Variants in OMA1 observed in about 807,000 individuals in gnomAD.
OMA1 encodes OMA1 zinc metallopeptidase.
OMA1 carries 38 observed loss-of-function variants against 30.9 expected under a neutral mutation model. That is an observed-to-expected ratio of 1.23 (90% CI 0.95 to 1.61). The LOEUF (loss-of-function observed/expected upper bound fraction) is 1.61. Ranked by LOEUF, OMA1 falls within the 40% of genes most tolerant of loss-of-function variation. The probability of loss-of-function intolerance (pLI) is 0.00; values close to 1 mark genes in which losing one functional copy is unlikely to be tolerated. For missense variants in OMA1, 461 were observed against 349.2 expected, an observed-to-expected ratio of 1.32 and a Z score of -2.55; for synonymous variants, 173 against 121.9, an observed-to-expected ratio of 1.42 and a Z score of -2.76.
intron 8 of OMA1, among the ~76,000 whole-genome samples, chr1:58,495,698 C>T (rs1041721121): frequency 4.2e-5 from 6 of 143,588 alleles, no homozygotes; most frequent in Non-Finnish European, 9.2e-5. Context: ...GGATCTTCCA[C>T]CATAAAAAAA....
chr1:58,521,893 T>C lies in OMA1; in HGVS notation c.1215+5368A>G, dbSNP rs895997892. ...CTGGAGAAGAGAAAATGAAGAACAC[T>C]TCCCTGATCAATTTTATGAGGCCAG... On this transcript the variant is annotated intron_variant, in intron 7 of 8. Coordinates refer to ENST00000371226, the MANE Select transcript of OMA1 (RefSeq NM_145243.5). Among the ~76,000 whole-genome samples, 8 of 152,270 alleles carry C rather than the reference T, an allele frequency of 5.3e-5. No homozygotes were observed. The East Asian group carries it at 1.4e-3, about 26-fold the overall frequency.
chr1:58,482,626 T>C (rs932114631), intron 8 of OMA1, among the ~76,000 whole-genome samples: 2 of 152,100 alleles, frequency 1.3e-5, no homozygotes, highest in African/African-American at 4.8e-5. Flanking sequence ...GAGGGACTGG[T>C]AAAATCTTAG....
At chr1:58,534,952 G>A (rs1646493906) in intron 3 of OMA1, among the ~76,000 whole-genome samples, 1 of 152,036 alleles carries the variant, frequency 6.6e-6, no homozygotes, top group East Asian at 1.9e-4. Context: ...AAAAAGAAAA[G>A]AAAAGGAGAG....
At chr1:58,500,860 T>C (rs1250215561) in intron 8 of OMA1, among the ~76,000 whole-genome samples, 1 of 152,188 alleles carries the variant, frequency 6.6e-6, no homozygotes, top group Admixed American at 6.5e-5. Context: ...TTGAAGCAGA[T>C]TTCTCTTATT....
At chr1:58,493,426 G>T (rs1645735557) in intron 8 of OMA1, among the ~76,000 whole-genome samples, 1 of 151,998 alleles carries the variant, frequency 6.6e-6, no homozygotes, top group Admixed American at 6.6e-5. Context: ...GGGCAATCAG[G>T]CAAGAGAAAG....
intron 5 of OMA1, among the ~76,000 whole-genome samples, chr1:58,531,349 T>G (rs1646431010): frequency 6.6e-6 from 1 of 152,212 alleles, no homozygotes; most frequent in Non-Finnish European, 1.5e-5. Flanking sequence ...TGTAAATTTG[T>G]AAGTCTAGTA....
chr1:58,535,412 CG>C (rs1385450941), intron 3 of OMA1, among the ~76,000 whole-genome samples: 2 of 151,834 alleles, frequency 1.3e-5, no homozygotes, highest in African/African-American at 4.8e-5. Flanking sequence ...CTGGCCAACA[CG>C]GATGAAACCC....
intron 8 of OMA1, among the ~76,000 whole-genome samples, chr1:58,500,312 C>A (rs984094069): frequency 1.3e-5 from 2 of 152,108 alleles, no homozygotes; most frequent in African/African-American, 4.8e-5. Context: ...CTATGTCAGA[C>A]AAAATGAAAT....
At chr1:58,500,620 G>C (rs927441673) in intron 8 of OMA1, among the ~76,000 whole-genome samples, 2 of 152,054 alleles carry the variant, frequency 1.3e-5, no homozygotes, top group Non-Finnish European at 2.9e-5. Flanking sequence ...TCTGAATAAA[G>C]CCAGTATTGA....
chr1:58,533,960 C>G lies in OMA1; in HGVS notation c.1004G>C (p.Gly335Ala), dbSNP rs1646476886. Residue 335 changes from glycine to alanine, a missense_variant, in exon 5 of 9, where the codon GGG becomes GCG. By Grantham distance (60) the Gly-to-Ala change is moderately conservative. Transcript: ENST00000371226. ...LGHEIAHAVL[G>A]HAAEKAGMVH... ...TTCATTTTAGGTACTTACAGCATGC[C>G]CAAGTACTGCATGTGCTATTTCATG... 3.4e-6 allele frequency: 3 copies of G among 871,854 alleles called. No homozygotes were observed. The highest frequency in any genetic ancestry group is 6.0e-6 in the Non-Finnish European group (3 of 501,292). The allele number at this position is 871,854 out of a possible 1,614,324, so 54.0% of individuals were successfully genotyped here.
chr1:58,533,087 T>C (rs897718081), intron 5 of OMA1, among the ~76,000 whole-genome samples: 1 of 152,216 alleles, frequency 6.6e-6, no homozygotes, highest in African/African-American at 2.4e-5. Flanking sequence ...TTCTCTAATG[T>C]AGACAAAAGA....
At chr1:58,485,646 G>T (rs1394750003) in intron 8 of OMA1, among the ~76,000 whole-genome samples, 4 of 151,402 alleles carry the variant, frequency 2.6e-5, no homozygotes, top group Non-Finnish European at 4.4e-5. Flanking sequence ...ATATTTCAGG[G>T]CGCCAATGTC....
intron 8 of OMA1, among the ~76,000 whole-genome samples, chr1:58,485,826 C>T (rs1225989726): frequency 2.0e-5 from 3 of 152,024 alleles, no homozygotes; most frequent in African/African-American, 2.4e-5. Flanking sequence ...CAAACGCATG[C>T]TAAATTTTAA....
chr1:58,481,217 T>C (rs778522860), intron 8 of OMA1, 43 bp from the exon 9 acceptor site: 1 of 629,974 alleles, frequency 1.6e-6, no homozygotes. Context: ...TATATATACA[T>C]CAATGTATTC....
chr1:58,541,614 C>CAAAAAAAAAAAAAAACCAAAAA (rs1646617391), intron 1 of OMA1: 1 of 65,622 alleles, frequency 1.5e-5, no homozygotes, highest in Non-Finnish European at 2.7e-5. Flanking sequence ...GAGAACCTGT[C>CAAAAAAAAAAAAAAACCAAAAA]AAAAAAAAAA....
At chr1:58,529,430 TAC>T (rs1646399426) in intron 6 of OMA1, among the ~76,000 whole-genome samples, 1 of 152,230 alleles carries the variant, frequency 6.6e-6, no homozygotes, top group Non-Finnish European at 1.5e-5. Flanking sequence ...CTTTCAGTAT[TAC>T]AGTGTTTTGG....
chr1:58,487,341 T>G (rs1254407087), intron 8 of OMA1, among the ~76,000 whole-genome samples: 2 of 152,264 alleles, frequency 1.3e-5, no homozygotes, highest in Non-Finnish European at 2.9e-5. Context: ...CTCATGCATT[T>G]GAGGATAATT....
intron 8 of OMA1, among the ~76,000 whole-genome samples, chr1:58,496,407 T>C (rs566884290): frequency 1.8e-4 from 27 of 152,236 alleles, no homozygotes; most frequent in Non-Finnish European, 3.5e-4. Context: ...AACCTTATCA[T>C]GCCAGCTTCA....
chr1:58,508,836 G>A (rs1646029400), intron 7 of OMA1, among the ~76,000 whole-genome samples: 1 of 152,084 alleles, frequency 6.6e-6, no homozygotes, highest in Admixed American at 6.6e-5. Context: ...AGCTTCTCCT[G>A]GGGCAGGGCT....
Sources: gnomAD v4.1 joint callset for allele counts (sites outside exome capture counted in the v4.1 genomes callset) on GRCh38, gnomAD v4.1.1 for gene constraint, MANE v1.5 for transcripts, NCBI Gene and HGNC (gene_info 2026-07-23, HGNC 2026-07-21) for gene names.